The following CDC16 variants were observed in gnomAD, a reference collection of about 807,000 sequenced individuals.
CDC16 encodes the protein cell division cycle 16.
In CDC16, 34 loss-of-function variants were observed where a neutral mutation model predicts 87.0. The ratio of observed to expected loss-of-function variants is 0.39; its 90% CI spans 0.30 to 0.52. The LOEUF (loss-of-function observed/expected upper bound fraction) is 0.52. Ranked by LOEUF, CDC16 falls within the 20% of genes least tolerant of loss-of-function variation. CDC16 has a pLI of 0.74. For synonymous variants in CDC16, 263 were observed against 260.6 expected (o/e 1.01, Z -0.09); for missense variants, 653 against 751.9 (o/e 0.87, Z 1.54).
intron 12 of CDC16, among the ~76,000 whole-genome samples, chr13:114,250,959 A>G (rs115663856): frequency 6.6e-6 from 1 of 152,232 alleles, no homozygotes; most frequent in Non-Finnish European, 1.5e-5. Context: ...ATGCTCATGC[A>G]AGAATAAAAA....
In CDC16 at chr13:114,244,112, T is replaced by G; in HGVS notation, c.767+123T>G. 1.0e-5 allele frequency: 7 copies of G among 691,944 alleles called. 1 individual carries two copies. The South Asian group carries it at 1.0e-4, about 10-fold the overall frequency. The allele number at this position is 691,944 out of a possible 1,614,324, so 42.9% of individuals were successfully genotyped here. On this transcript the variant is annotated intron_variant, in intron 8 of 17. Transcript: ENST00000356221. ...TGATAATTTAAGTTATCTTTACCAA[T>G]TGTAGAGCACTGAACAGGGTGCTGT...
chr13:114,235,238 TGGGCCGGCCCTGGGCCTTCATCTG>T (rs2081186889), intron 1 of CDC16, 106 bp downstream of exon 1: 1 of 797,992 alleles, frequency 1.3e-6, no homozygotes, highest in Admixed American at 4.3e-5. Flanking sequence ...GGGGAAGGAC[TGGGCCGGCCCTGGGCCTTCATCTG>T]GGGCCAGCAG....
At position 114,236,790 on chromosome 13, in the gene CDC16, T is replaced by G; in HGVS notation, c.104-9T>G. On this transcript the variant is annotated splice_polypyrimidine_tract_variant and intron_variant, in intron 2 of 17. Transcript: ENST00000356221. ...ACCTCTGACCACTTATGTGAATTTTTCCCTCCAGAAGAACCCCAGGACATC... is the reference window on the plus strand; with the variant it reads ...ACCTCTGACCACTTATGTGAATTTTGCCCTCCAGAAGAACCCCAGGACATC... 1.2e-6 allele frequency: 2 copies of G among 1,613,224 alleles called. No individual in the cohort carries two copies. Among genetic ancestry groups the G allele is most frequent in the Non-Finnish European group, 1.7e-6 (2 of 1,179,306 alleles).
rs1165824446 is a variant in CDC16, at chr13:114,234,917, GGGGTGC to G, written c.-162_-157del. On this transcript the variant is annotated 5_prime_UTR_variant, in exon 1 of 18. Coordinates refer to ENST00000356221, the MANE Select transcript of CDC16 (RefSeq NM_001078645.3). The stretch of plus-strand genomic sequence containing the variant: ...TGGGCAGTGCACGGGGCCTGGGTGG[GGGGTGC>G]GGGTGTGGGTGGGGACCTGCGGCCT... 7 of 403,962 alleles carry G rather than the reference GGGGTGC, an allele frequency of 1.7e-5. No individual in the cohort carries two copies. Among genetic ancestry groups the G allele is most frequent in the East Asian group, 1.5e-4 (4 of 27,046 alleles). 25.0% of individuals were successfully genotyped at this position (403,962 alleles called of 1,614,324 possible).
chr13:114,243,424 T>TTA (rs2081663452), intron 7 of CDC16, 76 bp downstream of exon 7: 6 of 742,882 alleles, frequency 8.1e-6, no homozygotes, highest in South Asian at 3.3e-5. Flanking sequence ...TAGTCTTATA[T>TTA]TAAGTTTTCA....
intron 12 of CDC16, among the ~76,000 whole-genome samples, chr13:114,253,688 CAA>C (rs373996893): frequency 1.4e-4 from 16 of 116,150 alleles, no homozygotes; most frequent in Admixed American, 9.3e-5. Context: ...GACTCCATCT[CAA>C]AAAAAAAAAA....
In CDC16 at chr13:114,243,941, G is replaced by T; in HGVS notation, c.719G>T (p.Arg240Ile). 5 of 1,606,176 alleles carry T rather than the reference G, an allele frequency of 3.1e-6. No individual in the cohort carries two copies. The highest frequency in any genetic ancestry group is 4.3e-6 in the Non-Finnish European group (5 of 1,173,040). The change falls in exon 8 of 18, where the codon AGA becomes ATA. Residue 240 changes from arginine to isoleucine, a missense_variant. By Grantham distance (97) the Arg-to-Ile change is moderately conservative. Transcript: ENST00000356221. ...GATGTGGTAGTGTCTTTAGCTGAGA[G>T]ACATTATTATAACTGTGATTTTAAA... ...NLDVVVSLAE[R>I]HYYNCDFKMC...
chr13:114,244,036 A>G (rs368136915), intron 8 of CDC16, 47 bp downstream of exon 8: 3 of 1,394,568 alleles, frequency 2.2e-6, no homozygotes, highest in Non-Finnish European at 3.0e-6. Context: ...AGTTCACTCC[A>G]TCTTACCTAG....
Position 114,239,394 on chromosome 13 carries a change from G to A in CDC16, c.285G>A (p.Met95Ile), listed in dbSNP as rs1566634883. ...AGCAGGCCCTTGATGTTCTTGACAT[G>A]GAAGAGCCCATCAATAAAAGATTAT... is the stretch of plus-strand genomic sequence containing the variant. ...EHQQALDVLD[M>I]EEPINKRLFE... Residue 95 changes from methionine to isoleucine, a missense_variant, in exon 5 of 18, where the codon ATG (methionine) becomes ATA (isoleucine). Met to Ile is a conservative substitution (Grantham distance 10, BLOSUM62 1). Coordinates refer to ENST00000356221, the MANE Select transcript of CDC16 (RefSeq NM_001078645.3). 6.2e-7 allele frequency: 1 copy of A among 1,612,520 alleles called. No individual in the cohort carries two copies. Among genetic ancestry groups the A allele is most frequent in the Non-Finnish European group, 8.5e-7 (1 of 1,178,668 alleles).
At chr13:114,260,531 T>C (rs2082778610) in intron 14 of CDC16, among the ~76,000 whole-genome samples, 1 of 152,186 alleles carries the variant, frequency 6.6e-6, no homozygotes, top group African/African-American at 2.4e-5. Flanking sequence ...CCCAGGGGAT[T>C]ATCACGCACA....
At chr13:114,271,219 C>T (rs2083630147) in intron 17 of CDC16, among the ~76,000 whole-genome samples, 1 of 152,090 alleles carries the variant, frequency 6.6e-6, no homozygotes, top group Admixed American at 6.5e-5. Context: ...TCGCGCCCGG[C>T]CAAGATTTAC....
At chr13:114,258,836 G>A (rs1174104679) in intron 13 of CDC16, among the ~76,000 whole-genome samples, 11 of 152,020 alleles carry the variant, frequency 7.2e-5, no homozygotes, top group Admixed American at 2.6e-4. Context: ...GGTGGCTCCC[G>A]TCTGTAATCC....
At chr13:114,255,974 G>T (rs142983082) in intron 12 of CDC16, among the ~76,000 whole-genome samples, 18 of 152,330 alleles carry the variant, frequency 1.2e-4, no homozygotes, top group Non-Finnish European at 2.4e-4. Flanking sequence ...TTCCCTGTGG[G>T]GTGTTTGAGG....
At chr13:114,250,508 G>T (rs780370070) in intron 11 of CDC16, 41 bp from the exon 12 acceptor site, 126 of 1,266,136 alleles carry the variant, frequency 1.0e-4, no homozygotes, top group Non-Finnish European at 1.2e-4. Context: ...AAAAAAAAAA[G>T]AATAAATACT....
chr13:114,237,759 T>A (rs975524840), intron 3 of CDC16, among the ~76,000 whole-genome samples: 6 of 152,182 alleles, frequency 3.9e-5, no homozygotes, highest in Non-Finnish European at 7.4e-5. Context: ...AGGCCTTTGA[T>A]TTTTTTGTCT....
At chr13:114,235,395 G>T (rs1888991324) in intron 1 of CDC16, among the ~76,000 whole-genome samples, 1 of 152,238 alleles carries the variant, frequency 6.6e-6, no homozygotes, top group African/African-American at 2.4e-5. Flanking sequence ...TCTGCACCTG[G>T]CGCGGAGGAG....
intron 17 of CDC16, 52 bp downstream of exon 17, chr13:114,265,292 A>G (rs775251233): frequency 8.9e-7 from 1 of 1,122,870 alleles, no homozygotes; most frequent in African/African-American, 1.5e-5. Flanking sequence ...TTAGGTTGTC[A>G]TATGTCTCTG....
chr13:114,259,080 C>G (rs1364208123), intron 13 of CDC16, among the ~76,000 whole-genome samples: 1 of 125,894 alleles, frequency 7.9e-6, no homozygotes, highest in East Asian at 2.3e-4. Context: ...GCCTAGGTAA[C>G]AGAGTGAGAC....
Position 114,239,492 on chromosome 13 carries a change from T to A in CDC16, c.381+2T>A. On this transcript the variant is annotated splice_donor_variant, in intron 5 of 17. Coordinates refer to ENST00000356221, the MANE Select transcript of CDC16 (RefSeq NM_001078645.3). LOFTEE classifies it high-confidence loss of function. ...GACTGGGAAATGTCACAGTCTTCAGTAAGTAGTACTGTGAGCACAGCTCAG... is the reference window on the plus strand; with the variant it reads ...GACTGGGAAATGTCACAGTCTTCAGAAAGTAGTACTGTGAGCACAGCTCAG... The A allele has an allele frequency of 6.2e-7, 1 of 1,605,530 alleles. No individual in the cohort carries two copies. Among genetic ancestry groups the A allele is most frequent in the Non-Finnish European group, 8.5e-7 (1 of 1,173,554 alleles).
Sources: gnomAD v4.1 joint callset for allele counts (sites outside exome capture counted in the v4.1 genomes callset) on GRCh38, gnomAD v4.1.1 for gene constraint, MANE v1.5 for transcripts, NCBI Gene and HGNC (gene_info 2026-07-23, HGNC 2026-07-21) for gene names.